The following CDH20 variants were observed in gnomAD, a reference collection of about 807,000 sequenced individuals.
CDH20 encodes cadherin 20.
A neutral mutation model predicts 74.2 loss-of-function variants in CDH20; 29 were observed. That is an observed-to-expected ratio of 0.39 (90% confidence interval 0.29 to 0.53). CDH20 has a LOEUF of 0.53. Ranked by LOEUF, CDH20 falls within the 20% of genes least tolerant of loss-of-function variation. The pLI is 0.69. For synonymous variants in CDH20, 469 were observed against 405.4 expected, an observed-to-expected ratio of 1.16 and a Z score of -1.88; for missense variants, 988 against 1,048.3, an observed-to-expected ratio of 0.94 and a Z score of 0.79.
At chr18:61,394,247 G>C (rs1017500039) in intron 1 of CDH20, among the ~76,000 whole-genome samples, 11 of 152,088 alleles carry the variant, frequency 7.2e-5, no homozygotes, top group Non-Finnish European at 1.5e-4. Context: ...TAACACCACG[G>C]TTATATAGTC....
intron 1 of CDH20, among the ~76,000 whole-genome samples, chr18:61,380,403 A>G (rs1911394240): frequency 6.6e-6 from 1 of 152,240 alleles, no homozygotes; most frequent in African/African-American, 2.4e-5. Flanking sequence ...AGAGTGAAGT[A>G]TATGAAAAAC....
At chr18:61,464,959 G>T (rs1440982188) in intron 1 of CDH20, among the ~76,000 whole-genome samples, 1 of 152,084 alleles carries the variant, frequency 6.6e-6, no homozygotes, top group Non-Finnish European at 1.5e-5. Context: ...TCCTCAACAG[G>T]GTCTGTCAAT....
chr18:61,431,488 G>T (rs1337223136), intron 1 of CDH20, among the ~76,000 whole-genome samples: 1 of 152,016 alleles, frequency 6.6e-6, no homozygotes, highest in African/African-American at 2.4e-5. Context: ...ATAACATATT[G>T]ATATTTGTTC....
At position 61,458,433 on chromosome 18, in the gene CDH20, C is replaced by A. The variant is rs139521057; in HGVS notation, c.-152-31969C>A. Among the ~76,000 whole-genome samples the A allele has an allele frequency of 5.3e-3, 813 of 152,258 alleles. 34 individuals are homozygous for A. Among genetic ancestry groups the A allele is most frequent in the Admixed American group, 0.045 (692 of 15,286 alleles). ...GGAAAGTTGCCCATCAAAAAGGCATCTTGGAAAATATCTCTTCCCACACGA... is the reference window on the plus strand; with the variant it reads ...GGAAAGTTGCCCATCAAAAAGGCATATTGGAAAATATCTCTTCCCACACGA... On this transcript the variant is annotated intron_variant, in intron 1 of 11. Coordinates refer to ENST00000262717, the MANE Select transcript of CDH20 (RefSeq NM_031891.4).
rs1491320421 is a variant in CDH20 at position 61,538,621 on chromosome 18, T to TG, written c.1409-403_1409-402insG. Among the ~76,000 whole-genome samples the TG allele has an allele frequency of 7.5e-4, 31 of 41,216 alleles. 1 individual carries two copies. The East Asian group carries it at 0.034, about 45-fold the overall frequency. 27.0% of individuals were successfully genotyped at this position (41,216 alleles called of 152,430 possible). A position where few individuals can be genotyped will look rare whatever the true frequency, so the allele number is the denominator to read the frequency against. ...GTTTTTGTTTTTGTTTTTGTTTTTG[T>TG]TTTGTTTTTTTTTTTGAGACGGAGT... On this transcript the variant is annotated intron_variant, in intron 8 of 11. Transcript: ENST00000262717.
chr18:61,404,844 A>G, intron 1 of CDH20: 2 of 377,506 alleles, frequency 5.3e-6, no homozygotes, highest in Non-Finnish European at 9.6e-6. Flanking sequence ...TATTAAAGGG[A>G]AATTTTGCAT....
rs187190172 is a variant in CDH20 at position 61,486,564 on chromosome 18, G to A, written c.-152-3838G>A. ...GCATTATGACATTAAGTTGCATTCT[G>A]ATTTAATGTTGATGCACCTTATGGT... On this transcript the variant is annotated intron_variant, in intron 1 of 11. Coordinates refer to ENST00000262717, the MANE Select transcript of CDH20 (RefSeq NM_031891.4). 5.0e-4 allele frequency among the ~76,000 whole-genome samples: 76 copies of A among 152,238 alleles called. No homozygotes were observed. The East Asian group carries it at 0.011, about 23-fold the overall frequency.
chr18:61,342,179 G>A (rs1397300837), intron 1 of CDH20, among the ~76,000 whole-genome samples: 1 of 152,000 alleles, frequency 6.6e-6, no homozygotes, highest in Non-Finnish European at 1.5e-5. Flanking sequence ...CATTTCTCTG[G>A]CTACATCTAT....
At position 61,554,631 on chromosome 18, in the gene CDH20, G is replaced by T. The variant is rs1395842114; in HGVS notation, c.2342G>T (p.Gly781Val). Reference protein sequence around the residue: ...EQSFDFLTDWGPRFRKLAELY... With the variant: ...EQSFDFLTDWVPRFRKLAELY... The stretch of plus-strand genomic sequence containing the variant: ...AGCTTCGACTTCCTGACGGACTGGG[G>T]GCCCCGCTTCCGGAAGCTGGCCGAG... Residue 781 changes from glycine (G) to valine (V), a missense_variant, in exon 12 of 12, where the codon GGG (glycine) becomes GTG (valine). Physicochemically the swap from Gly to Val is moderately radical, Grantham distance 109. This residue lies in a region of CDH20 where 375 missense variants were observed against 293.1 expected (regional missense o/e 1.28). Coordinates refer to ENST00000262717, the MANE Select transcript of CDH20 (RefSeq NM_031891.4). 3 of 1,603,468 alleles carry T rather than the reference G, an allele frequency of 1.9e-6. No individual in the cohort carries two copies. The highest frequency in any genetic ancestry group is 4.5e-5 in the East Asian group (2 of 44,684).
chr18:61,507,873 A>T (rs1911631414), intron 6 of CDH20, among the ~76,000 whole-genome samples: 1 of 152,302 alleles, frequency 6.6e-6, no homozygotes, highest in South Asian at 2.1e-4. Flanking sequence ...AATGATGTTA[A>T]TGACTTGATC....
intron 9 of CDH20, among the ~76,000 whole-genome samples, chr18:61,540,882 G>A (rs957233923): frequency 4.6e-5 from 7 of 152,142 alleles, no homozygotes; most frequent in African/African-American, 1.2e-4. Flanking sequence ...TCCCTCAGGG[G>A]AAGAAAGATG....
chr18:61,434,287 A>G (rs141597799), intron 1 of CDH20, among the ~76,000 whole-genome samples: 1 of 152,306 alleles, frequency 6.6e-6, no homozygotes, highest in African/African-American at 2.4e-5. Context: ...ATTACAGGCA[A>G]TGATAGATAC....
At chr18:61,433,612 T>G (rs1455732386) in intron 1 of CDH20, among the ~76,000 whole-genome samples, 2 of 152,120 alleles carry the variant, frequency 1.3e-5, no homozygotes, top group Non-Finnish European at 2.9e-5. Context: ...TTCACCCATA[T>G]GTACATTCTG....
chr18:61,525,964 ATTTTTTTTTTTT>A (rs1006282537), intron 6 of CDH20, among the ~76,000 whole-genome samples: 27 of 84,370 alleles, frequency 3.2e-4, no homozygotes, highest in South Asian at 4.6e-4. Context: ...CACCCAGCTA[ATTTTTTTTTTTT>A]TTTTTTTTTT....
chr18:61,553,857 C>A (rs1913521949), intron 11 of CDH20, among the ~76,000 whole-genome samples: 1 of 152,086 alleles, frequency 6.6e-6, no homozygotes, highest in Admixed American at 6.6e-5. Context: ...CATAGCAGGC[C>A]TTTGTGCTTT....
In CDH20 at chr18:61,472,270, G is replaced by A. The variant is rs1338540521; in HGVS notation, c.-152-18132G>A. On this transcript the variant is annotated intron_variant, in intron 1 of 11. Coordinates refer to ENST00000262717, the MANE Select transcript of CDH20 (RefSeq NM_031891.4). ...CGCTTTAGGCTGCATCAGCAACTTG[G>A]GGGCTGGCTGGGTCTTACTTCCCCC... Among the ~76,000 whole-genome samples the A allele has an allele frequency of 2.0e-5, 3 of 151,988 alleles. No homozygotes were observed. In the East Asian group the frequency reaches 5.8e-4, roughly 29 times the overall value.
chr18:61,374,920 C>T (rs1332180843), intron 1 of CDH20, among the ~76,000 whole-genome samples: 1 of 152,082 alleles, frequency 6.6e-6, no homozygotes, highest in Non-Finnish European at 1.5e-5. Flanking sequence ...TTAGCAATCT[C>T]TAAAGAGGTT....
chr18:61,455,463 T>C (rs1909542279), intron 1 of CDH20, among the ~76,000 whole-genome samples: 3 of 152,246 alleles, frequency 2.0e-5, no homozygotes, highest in Non-Finnish European at 4.4e-5. Context: ...AATATGAATA[T>C]GCAAATTTAA....
intron 1 of CDH20, among the ~76,000 whole-genome samples, chr18:61,355,954 A>G (rs1289445098): frequency 6.6e-6 from 1 of 152,208 alleles, no homozygotes; most frequent in African/African-American, 2.4e-5. Flanking sequence ...CTCCACTTCT[A>G]ATTTGCTCTG....
Sources: gnomAD v4.1 joint callset for allele counts (sites outside exome capture counted in the v4.1 genomes callset) on GRCh38, gnomAD v4.1.1 for gene constraint, gnomAD v4.1.1 regional missense constraint, MANE v1.5 for transcripts, NCBI Gene and HGNC (gene_info 2026-07-23, HGNC 2026-07-21) for gene names.